The following RYR2 variants were observed in gnomAD, a reference collection of about 807,000 sequenced individuals.
The protein encoded by RYR2 is cardiac muscle ryanodine receptor-calcium release channel.
In RYR2, 227 loss-of-function variants were observed where a neutral mutation model predicts 601.1. The observed-to-expected ratio is 0.38, with a 90% CI of 0.34 to 0.42. RYR2 has a LOEUF of 0.42. Among genes scored for constraint, RYR2 ranks in the 10% least tolerant of loss-of-function variants. The probability of loss-of-function intolerance (pLI) is 1.00; values close to 1 mark genes in which losing one functional copy is unlikely to be tolerated. For synonymous variants in RYR2, 2,223 were observed against 2,175.1 expected (o/e 1.02, Z -0.61); for missense variants, 4,646 against 6,156.5 (o/e 0.75, Z 8.21).
At chr1:237,247,633 CAT>C (rs1207495957) in intron 1 of RYR2, among the ~76,000 whole-genome samples, 1 of 152,140 alleles carries the variant, frequency 6.6e-6, no homozygotes, top group Non-Finnish European at 1.5e-5. Flanking sequence ...CATTGTGGCT[CAT>C]CCAGGAGTGG....
In RYR2 at chr1:237,511,769, C is replaced by A. The variant is rs866786905; in HGVS notation, c.2800C>A (p.Gln934Lys). Residue 934 changes from glutamine to lysine, a missense_variant, in exon 24 of 105, where the codon CAA becomes AAA. Transcript: ENST00000366574. ...LPEQERNYNL[Q>K]MSLETLKTLL... is the part of the protein sequence containing the mutation. ...TGAACAGGAGCGCAATTACAACTTA[C>A]AAATGTCGCTTGAGACCCTGAAGTG... 2 of 1,427,416 alleles carry A rather than the reference C, an allele frequency of 1.4e-6. No homozygotes were observed. The highest frequency in any genetic ancestry group is 1.9e-6 in the Non-Finnish European group (2 of 1,066,374). The allele number at this position is 1,427,416 out of a possible 1,614,324, so 88.4% of individuals were successfully genotyped here.
chr1:237,531,455 T>G (rs2147947642), intron 25 of RYR2, among the ~76,000 whole-genome samples: 1 of 152,318 alleles, frequency 6.6e-6, no homozygotes, highest in African/African-American at 2.4e-5. Flanking sequence ...TTCAAGCTGC[T>G]TTTCTGATGT....
intron 14 of RYR2, among the ~76,000 whole-genome samples, chr1:237,451,766 T>C (rs1658151740): frequency 6.6e-6 from 1 of 152,124 alleles, no homozygotes; most frequent in Admixed American, 6.6e-5. Flanking sequence ...TTACAATATT[T>C]TCACCCATGT....
chr1:237,806,241 A>G lies in RYR2; in HGVS notation c.14256A>G (p.Thr4752=). The change falls in exon 99 of 105, where the codon ACA becomes ACG. Residue 4752 remains threonine, a synonymous_variant. Coordinates refer to ENST00000366574, the MANE Select transcript of RYR2 (RefSeq NM_001035.3). The part of the protein sequence containing the change: ...HLLDIAMGFK[T]LRTILSSVTH... ...TCGACATTGCTATGGGATTCAAGAC[A>G]TTAAGAACCATCTTGTCCTCAGTAA... 1 of 1,613,718 alleles carries G rather than the reference A, an allele frequency of 6.2e-7. No homozygotes were observed. The highest frequency in any genetic ancestry group is 8.5e-7 in the Non-Finnish European group (1 of 1,179,644).
At chr1:237,738,517 A>G (rs1275875862) in intron 79 of RYR2, among the ~76,000 whole-genome samples, 5 of 151,966 alleles carry the variant, frequency 3.3e-5, no homozygotes, top group African/African-American at 1.2e-4. Context: ...CTTTTCATGT[A>G]GTTTTCATTT....
chr1:237,447,154 C>G (rs1202575309), intron 14 of RYR2, among the ~76,000 whole-genome samples: 2 of 152,168 alleles, frequency 1.3e-5, no homozygotes, highest in Non-Finnish European at 2.9e-5. Flanking sequence ...TTCAGTGGCA[C>G]TGCAGAGATA....
intron 13 of RYR2, 82 bp downstream of exon 13, chr1:237,441,565 CT>C: frequency 7.6e-7 from 1 of 1,311,346 alleles, no homozygotes; most frequent in Admixed American, 2.6e-5. Flanking sequence ...ATTGGCTGAT[CT>C]TTTTAGTCAC....
chr1:237,563,652 C>T (rs983045492), intron 27 of RYR2, among the ~76,000 whole-genome samples: 5 of 152,090 alleles, frequency 3.3e-5, no homozygotes, highest in East Asian at 1.9e-4. Context: ...CCATGTAGTA[C>T]CCCCTATTTT....
chr1:237,581,441 A>G (rs1301326186), intron 29 of RYR2, among the ~76,000 whole-genome samples: 2 of 152,198 alleles, frequency 1.3e-5, no homozygotes, highest in African/African-American at 4.8e-5. Context: ...TTATTTTTGT[A>G]ATTAAAATAG....
At chr1:237,624,827 G>A (rs1009931637) in intron 39 of RYR2, among the ~76,000 whole-genome samples, 4 of 152,086 alleles carry the variant, frequency 2.6e-5, no homozygotes, top group Admixed American at 1.3e-4. Flanking sequence ...TGTTTTTAAA[G>A]TTATAGATAA....
chr1:237,253,446 C>T (rs76445055), intron 1 of RYR2, among the ~76,000 whole-genome samples: 6,943 of 152,260 alleles, frequency 0.046, 169 homozygotes, highest in African/African-American at 0.054. Flanking sequence ...GCAACTTTTA[C>T]GTTTTCCATC....
At chr1:237,249,547 GA>G (rs1687245541) in intron 1 of RYR2, among the ~76,000 whole-genome samples, 1 of 152,146 alleles carries the variant, frequency 6.6e-6, no homozygotes. Flanking sequence ...AGCAAGTGTA[GA>G]TTTTTTATTT....
chr1:237,428,362 A>G (rs148838636), intron 12 of RYR2, among the ~76,000 whole-genome samples: 31 of 152,330 alleles, frequency 2.0e-4, no homozygotes, highest in East Asian at 7.7e-4. Flanking sequence ...ATGCCCATCA[A>G]TGATAGACCA....
intron 3 of RYR2, among the ~76,000 whole-genome samples, chr1:237,345,551 A>G (rs1698233259): frequency 6.6e-6 from 1 of 151,962 alleles, no homozygotes; most frequent in African/African-American, 2.4e-5. Context: ...ACACTGAAAC[A>G]GTATTACATG....
At chr1:237,823,047 A>G (rs565042871) in intron 101 of RYR2, among the ~76,000 whole-genome samples, 57 of 152,272 alleles carry the variant, frequency 3.7e-4, no homozygotes, top group African/African-American at 1.3e-3. Context: ...GTTCTTAGAG[A>G]CCTACAAAGA....
At position 237,832,832 on chromosome 1, in the gene RYR2, G is replaced by C. The variant is rs113799947; in HGVS notation, c.*185G>C. The C allele has an allele frequency of 8.0e-6, 4 of 498,622 alleles. No individual in the cohort carries two copies. Among genetic ancestry groups the C allele is most frequent in the African/African-American group, 3.9e-5 (2 of 51,508 alleles). The allele number at this position is 498,622 out of a possible 1,614,324, so 30.9% of individuals were successfully genotyped here. A position where few individuals can be genotyped will look rare whatever the true frequency, so the allele number is the denominator to read the frequency against. On this transcript the variant is annotated 3_prime_UTR_variant, in exon 105 of 105. Coordinates refer to ENST00000366574, the MANE Select transcript of RYR2 (RefSeq NM_001035.3). ...CCCCCACCTTTTGTATTTACTTTGA[G>C]ACTAAAGACTGAAGAATAATCTAAA...
intron 1 of RYR2, among the ~76,000 whole-genome samples, chr1:237,158,600 C>T (rs1675653957): frequency 6.6e-6 from 1 of 152,162 alleles, no homozygotes; most frequent in Admixed American, 6.5e-5. Context: ...GGATCCCACC[C>T]TTCCCATCTT....
chr1:237,092,786 C>A (rs1307063636), intron 1 of RYR2, among the ~76,000 whole-genome samples: 1 of 152,202 alleles, frequency 6.6e-6, no homozygotes, highest in African/African-American at 2.4e-5. Context: ...CTGCCTCATC[C>A]TCCCAAAGCG....
intron 1 of RYR2, among the ~76,000 whole-genome samples, chr1:237,244,457 CAGAG>C (rs1177911935): frequency 6.6e-6 from 1 of 152,024 alleles, no homozygotes; most frequent in African/African-American, 2.4e-5. Flanking sequence ...GAGTAAGGAG[CAGAG>C]AAGATGGTGT....
Sources: gnomAD v4.1 joint callset for allele counts (sites outside exome capture counted in the v4.1 genomes callset) on GRCh38, gnomAD v4.1.1 for gene constraint, MANE v1.5 for transcripts, NCBI Gene and HGNC (gene_info 2026-07-23, HGNC 2026-07-21) for gene names.